CTNNA3: variants seen among roughly 807,000 people sequenced by gnomAD.
CTNNA3 encodes the protein catenin alpha 3.
CTNNA3 carries 76 observed loss-of-function variants against 95.7 expected under a neutral mutation model. The ratio of observed to expected loss-of-function variants is 0.79; its 90% CI spans 0.66 to 0.96. The LOEUF (loss-of-function observed/expected upper bound fraction) is 0.96. Ranked by LOEUF, CTNNA3 falls within the 40% of genes least tolerant of loss-of-function variation. CTNNA3 has a pLI of 0.00. For synonymous variants in CTNNA3, 431 were observed against 374.4 expected (o/e 1.15, Z -1.74); for missense variants, 1,191 against 1,089.8 (o/e 1.09, Z -1.31).
At chr10:66,306,417 T>A (rs1284960859) in intron 12 of CTNNA3, among the ~76,000 whole-genome samples, 1 of 149,136 alleles carries the variant, frequency 6.7e-6, no homozygotes, top group East Asian at 1.9e-4. Flanking sequence ...GAAAGCCAAA[T>A]GACAGCTTCA....
intron 12 of CTNNA3, among the ~76,000 whole-genome samples, chr10:66,362,330 T>G (rs990770903): frequency 6.6e-6 from 1 of 151,208 alleles, no homozygotes; most frequent in African/African-American, 2.4e-5. Flanking sequence ...CTCAATCTCC[T>G]GACCTCATGA....
intron 1 of CTNNA3, among the ~76,000 whole-genome samples, chr10:67,680,615 C>G (rs73271924): frequency 0.061 from 9,334 of 152,260 alleles, 314 homozygotes; most frequent in South Asian, 0.1. Flanking sequence ...TATGAACTAC[C>G]TAATGTCATT....
rs181115639 is a variant in CTNNA3 at position 66,501,008 on chromosome 10, G to A, written c.1531+19609C>T. 6.6e-5 allele frequency among the ~76,000 whole-genome samples: 10 copies of A among 152,228 alleles called. No individual in the cohort carries two copies. In the East Asian group the frequency reaches 1.9e-3, roughly 29 times the overall value. ...TACTGCCCTAATGCGATGAAAGCCT[G>A]AAATCTCAAAGCCACTGATTCCCTA... is the stretch of plus-strand genomic sequence containing the variant. On this transcript the variant is annotated intron_variant, in intron 11 of 17. Coordinates refer to ENST00000433211, the MANE Select transcript of CTNNA3 (RefSeq NM_013266.4).
rs554142150 is a variant in CTNNA3 at position 65,917,833 on chromosome 10, C to A, written c.*2497G>T. On this transcript the variant is annotated 3_prime_UTR_variant, in exon 18 of 18. Transcript: ENST00000433211. The stretch of plus-strand genomic sequence containing the variant: ...ACATAATGGGGAGATTTATTCATAT[C>A]TTGCTGCTAGTTTTTCTTGCATATA... 6.6e-6 allele frequency: 1 copy of A among 152,182 alleles called. No individual in the cohort carries two copies. Among genetic ancestry groups the A allele is most frequent in the South Asian group, 2.1e-4 (1 of 4,812 alleles). 9.4% of individuals were successfully genotyped at this position (152,182 alleles called of 1,614,324 possible).
At chr10:67,284,766 A>G (rs1486005893) in intron 5 of CTNNA3, among the ~76,000 whole-genome samples, 1 of 152,240 alleles carries the variant, frequency 6.6e-6, no homozygotes, top group East Asian at 1.9e-4. Flanking sequence ...ACCAATGGAG[A>G]AAACATTGGA....
At chr10:66,925,190 G>T (rs1170700708) in intron 7 of CTNNA3, among the ~76,000 whole-genome samples, 1 of 152,134 alleles carries the variant, frequency 6.6e-6, no homozygotes, top group Non-Finnish European at 1.5e-5. Context: ...GCACTCGCTT[G>T]CTGTATGACC....
intron 5 of CTNNA3, among the ~76,000 whole-genome samples, chr10:67,277,679 A>C (rs927121907): frequency 3.3e-5 from 5 of 152,154 alleles, no homozygotes; most frequent in African/African-American, 1.2e-4. Context: ...GAAGCCGGCC[A>C]AAACCTACCA....
At chr10:66,191,857 A>C (rs1258350374) in intron 13 of CTNNA3, among the ~76,000 whole-genome samples, 1 of 152,112 alleles carries the variant, frequency 6.6e-6, no homozygotes, top group Non-Finnish European at 1.5e-5. Flanking sequence ...GAGAGGTAGG[A>C]CCTTTAAGAG....
intron 13 of CTNNA3, among the ~76,000 whole-genome samples, chr10:66,192,189 G>T (rs760605352): frequency 7.2e-5 from 11 of 152,100 alleles, no homozygotes; most frequent in Non-Finnish European, 1.5e-4. Flanking sequence ...GTAAAATTCT[G>T]AGATGGCTCT....
intron 10 of CTNNA3, among the ~76,000 whole-genome samples, chr10:66,621,140 G>GA (rs1278071962): frequency 2.0e-5 from 3 of 151,330 alleles, no homozygotes; most frequent in African/African-American, 7.3e-5. Flanking sequence ...TTTGATAAAA[G>GA]AAAAAAAGAG....
intron 5 of CTNNA3, among the ~76,000 whole-genome samples, chr10:67,489,041 A>G (rs767938773): frequency 3.0e-4 from 46 of 152,306 alleles, no homozygotes; most frequent in Middle Eastern, 3.4e-3. Flanking sequence ...CAGATGGATC[A>G]GCTGATTTTT....
At chr10:66,465,837 T>C (rs2456664) in intron 11 of CTNNA3, among the ~76,000 whole-genome samples, 22,817 of 152,006 alleles carry the variant, frequency 0.15, 3,574 homozygotes, top group East Asian at 0.77. Context: ...TTGTGAGATT[T>C]TAAAACTGAA....
intron 15 of CTNNA3, among the ~76,000 whole-genome samples, chr10:66,029,828 A>G (rs2079415153): frequency 6.6e-6 from 1 of 152,216 alleles, no homozygotes; most frequent in African/African-American, 2.4e-5. Context: ...ATAAATGAAG[A>G]AGTTCTTCAT....
chr10:66,239,382 C>T (rs2090004783), intron 13 of CTNNA3, among the ~76,000 whole-genome samples: 1 of 151,878 alleles, frequency 6.6e-6, no homozygotes, highest in African/African-American at 2.4e-5. Flanking sequence ...GCCCAATCTT[C>T]TGCTCCCCAG....
intron 5 of CTNNA3, among the ~76,000 whole-genome samples, chr10:67,301,463 A>C (rs1415538846): frequency 6.6e-6 from 1 of 152,196 alleles, no homozygotes; most frequent in South Asian, 2.1e-4. Flanking sequence ...AAAACTAAAA[A>C]TAGAGCTATC....
chr10:66,240,580 T>A (rs969256775), intron 13 of CTNNA3, among the ~76,000 whole-genome samples: 2 of 152,032 alleles, frequency 1.3e-5, no homozygotes. Context: ...TTGTTAACCT[T>A]TTTTCTAACA....
At chr10:65,956,935 G>C (rs957012615) in intron 17 of CTNNA3, among the ~76,000 whole-genome samples, 1 of 152,102 alleles carries the variant, frequency 6.6e-6, no homozygotes, top group Non-Finnish European at 1.5e-5. Context: ...TCAAGTCCTG[G>C]ATATCCTTGT....
chr10:66,758,100 G>A (rs903296200), intron 9 of CTNNA3, among the ~76,000 whole-genome samples: 1 of 152,034 alleles, frequency 6.6e-6, no homozygotes, highest in East Asian at 1.9e-4. Context: ...CACTCCTGCA[G>A]TATGTCTGGT....
chr10:66,410,017 G>A (rs2093090382), intron 11 of CTNNA3, among the ~76,000 whole-genome samples: 2 of 152,168 alleles, frequency 1.3e-5, no homozygotes. Flanking sequence ...TTGCTCCACT[G>A]TTATTCTGAT....
Sources: allele counts gnomAD v4.1 joint callset (sites outside exome capture counted in the v4.1 genomes callset), GRCh38; gene constraint gnomAD v4.1.1; transcripts MANE v1.5; gene names NCBI Gene and HGNC (gene_info 2026-07-23, HGNC 2026-07-21).